PPP1R14C: variants seen among roughly 807,000 people sequenced by gnomAD.
PPP1R14C encodes protein phosphatase 1 regulatory inhibitor subunit 14C.
PPP1R14C carries 16 observed loss-of-function variants against 20.4 expected under a neutral mutation model. The ratio of observed to expected loss-of-function variants is 0.78; its 90% CI spans 0.53 to 1.19. The LOEUF (loss-of-function observed/expected upper bound fraction) is 1.19, where lower values mean the gene tolerates loss of function less well. PPP1R14C is among the 50% of genes most tolerant of loss of function. The pLI is 0.00. For synonymous variants in PPP1R14C, 91 were observed against 91.0 expected (o/e 1.00, Z 0.00); for missense variants, 211 against 220.1 (o/e 0.96, Z 0.26).
At chr6:150,154,611 T>C (rs1424563175) in intron 1 of PPP1R14C, among the ~76,000 whole-genome samples, 1 of 152,156 alleles carries the variant, frequency 6.6e-6, no homozygotes, top group Non-Finnish European at 1.5e-5. Flanking sequence ...GAAATAGAAG[T>C]GTCTTCCCCT....
intron 1 of PPP1R14C, chr6:150,196,085 C>G (rs1777800866): frequency 1.0e-6 from 1 of 985,282 alleles, no homozygotes; most frequent in Non-Finnish European, 1.2e-6. Flanking sequence ...GACCTCTCAC[C>G]CCTTTCTATA....
intron 3 of PPP1R14C, among the ~76,000 whole-genome samples, chr6:150,247,547 A>G (rs1450604110): frequency 6.6e-6 from 1 of 152,242 alleles, no homozygotes; most frequent in African/African-American, 2.4e-5. Context: ...ATTACTTTGT[A>G]AATGAAATTA....
Position 150,143,295 on chromosome 6 carries a change from G to C in PPP1R14C, c.103G>C (p.Gly35Arg). 1 of 1,560,730 alleles carries C rather than the reference G, an allele frequency of 6.4e-7. No individual in the cohort carries two copies. The highest frequency in any genetic ancestry group is 8.6e-7 in the Non-Finnish European group (1 of 1,158,974). ...SPRGGAGGSPGSSSGSGSSRE... is the reference protein window; with the variant it reads ...SPRGGAGGSPRSSSGSGSSRE... Reference sequence around the variant, plus strand: ...CCGGGGTGGCGCCGGTGGCAGCCCCGGCTCCAGCAGCGGCTCAGGCTCCTC... The same window carrying C: ...CCGGGGTGGCGCCGGTGGCAGCCCCCGCTCCAGCAGCGGCTCAGGCTCCTC... The change falls in exon 1 of 4, where the codon GGC becomes CGC. Residue 35 changes from glycine to arginine, a missense_variant. By Grantham distance (125) the Gly-to-Arg change is moderately radical (BLOSUM62 -2). Transcript: ENST00000361131. This position sits in a 1 kb window ranked among gnomAD's most constrained non-coding sequence, Gnocchi z 5.6.
intron 1 of PPP1R14C, among the ~76,000 whole-genome samples, chr6:150,171,150 G>A (rs556917548): frequency 6.6e-6 from 1 of 152,136 alleles, no homozygotes; most frequent in Non-Finnish European, 1.5e-5. Flanking sequence ...TCAAGGTGCT[G>A]TACATTCCAT....
intron 3 of PPP1R14C, among the ~76,000 whole-genome samples, chr6:150,230,518 C>A (rs145888515): frequency 1.3e-5 from 2 of 152,286 alleles, no homozygotes; most frequent in Non-Finnish European, 2.9e-5. Context: ...CCCGTCCCCC[C>A]ACCCTCTGCG....
intron 1 of PPP1R14C, among the ~76,000 whole-genome samples, chr6:150,171,403 CT>C (rs1777497744): frequency 6.6e-6 from 1 of 152,164 alleles, no homozygotes; most frequent in South Asian, 2.1e-4. Context: ...CAATCTAACT[CT>C]TTTATAAGGA....
chr6:150,151,088 T>C (rs984896296), intron 1 of PPP1R14C, among the ~76,000 whole-genome samples: 9 of 152,226 alleles, frequency 5.9e-5, no homozygotes, highest in Non-Finnish European at 1.3e-4. Context: ...TTTTGGATGA[T>C]AAGACCCTTC....
intron 3 of PPP1R14C, among the ~76,000 whole-genome samples, chr6:150,231,604 C>A (rs558849843): frequency 6.6e-6 from 1 of 152,192 alleles, no homozygotes; most frequent in Non-Finnish European, 1.5e-5. Context: ...AAACTTTGAG[C>A]AGCTCCTCTT....
chr6:150,159,690 A>G (rs1201029042), intron 1 of PPP1R14C, among the ~76,000 whole-genome samples: 1 of 152,134 alleles, frequency 6.6e-6, no homozygotes, highest in African/African-American at 2.4e-5. Context: ...TTGCGAAGAC[A>G]GAACACTATT....
rs1336621100 is a variant in PPP1R14C, at chr6:150,249,284, G to A, written c.*464G>A. 2 of 398,998 alleles carry A rather than the reference G, an allele frequency of 5.0e-6. No homozygotes were observed. The highest frequency in any genetic ancestry group is 2.1e-5 in the African/African-American group (1 of 48,610). 24.7% of individuals were successfully genotyped at this position (398,998 alleles called of 1,614,324 possible). On this transcript the variant is annotated 3_prime_UTR_variant, in exon 4 of 4. Transcript: ENST00000361131. ...CACACAACTAAGTTAAAATGTTGAT[G>A]TGAGTTTTATTTCACATGGATGGAA...
chr6:150,235,550 T>C (rs972966743), intron 3 of PPP1R14C, among the ~76,000 whole-genome samples: 2 of 152,218 alleles, frequency 1.3e-5, no homozygotes, highest in Admixed American at 6.5e-5. Context: ...ATAGGGGTCC[T>C]TAGCAGTGTC....
At chr6:150,188,532 G>C (rs1202995896) in intron 1 of PPP1R14C, among the ~76,000 whole-genome samples, 1 of 142,004 alleles carries the variant, frequency 7.0e-6, no homozygotes, top group Non-Finnish European at 1.5e-5. Context: ...TATTGCCCAG[G>C]CTGGAGTGCA....
At chr6:150,205,206 T>C (rs73007978) in intron 1 of PPP1R14C, among the ~76,000 whole-genome samples, 19,099 of 151,988 alleles carry the variant, frequency 0.13, 1,298 homozygotes, top group African/African-American at 0.15. Flanking sequence ...AGAAAAGACC[T>C]CCTCAGCCTA....
intron 1 of PPP1R14C, among the ~76,000 whole-genome samples, chr6:150,158,039 G>A (rs1238873909): frequency 9.2e-5 from 14 of 152,188 alleles, no homozygotes; most frequent in African/African-American, 3.4e-4. Context: ...GGATGAGCAG[G>A]CTGCCCACTA....
intron 1 of PPP1R14C, among the ~76,000 whole-genome samples, chr6:150,163,339 G>A (rs1443116448): frequency 1.1e-4 from 17 of 152,070 alleles, no homozygotes; most frequent in Non-Finnish European, 2.5e-4. Flanking sequence ...TGCAGTGAGC[G>A]GAGATCGCAC....
intron 1 of PPP1R14C, among the ~76,000 whole-genome samples, chr6:150,206,268 C>T (rs760713331): frequency 6.6e-6 from 1 of 152,206 alleles, no homozygotes; most frequent in Non-Finnish European, 1.5e-5. Context: ...ATTTATCAAT[C>T]TTTGCCACTG....
intron 3 of PPP1R14C, among the ~76,000 whole-genome samples, chr6:150,241,968 G>A (rs1419667517): frequency 1.3e-5 from 2 of 152,164 alleles, no homozygotes; most frequent in African/African-American, 2.4e-5. Flanking sequence ...TTGATATGTG[G>A]GGAAACCCCC....
Position 150,201,568 on chromosome 6 carries a change from C to G in PPP1R14C, c.307-13176C>G, listed in dbSNP as rs1415316720. 1.3e-5 allele frequency among the ~76,000 whole-genome samples: 2 copies of G among 152,116 alleles called. No individual in the cohort carries two copies. The highest frequency in any genetic ancestry group is 2.9e-5 in the Non-Finnish European group (2 of 68,026). ...GAGGCCGGGAGCCCAGCAGGGGAAGCCTTCCAGGCAGAGGTAAGACTGTTG... is the reference window on the plus strand; with the variant it reads ...GAGGCCGGGAGCCCAGCAGGGGAAGGCTTCCAGGCAGAGGTAAGACTGTTG... On this transcript the variant is annotated intron_variant, in intron 1 of 3. Coordinates refer to ENST00000361131, the MANE Select transcript of PPP1R14C (RefSeq NM_030949.3). This position sits in a 1 kb window ranked among gnomAD's most constrained non-coding sequence, Gnocchi z 4.2.
chr6:150,226,935 G>A lies in PPP1R14C; in HGVS notation c.423+10079G>A, dbSNP rs181602172. Among the ~76,000 whole-genome samples the A allele has an allele frequency of 2.1e-3, 327 of 152,230 alleles. 1 individual carries two copies. Among genetic ancestry groups the A allele is most frequent in the African/African-American group, 7.5e-3 (311 of 41,532 alleles). Reference sequence around the variant, plus strand: ...GTGATCTGGTTTGTGAGTAGAAATCGAGCAGTGTTTTCTAAAAGGCAGGCC... The same window carrying A: ...GTGATCTGGTTTGTGAGTAGAAATCAAGCAGTGTTTTCTAAAAGGCAGGCC... On this transcript the variant is annotated intron_variant, in intron 3 of 3. Coordinates refer to ENST00000361131, the MANE Select transcript of PPP1R14C (RefSeq NM_030949.3).
Sources: gnomAD v4.1 joint callset for allele counts (sites outside exome capture counted in the v4.1 genomes callset) on GRCh38, gnomAD v4.1.1 for gene constraint, Gnocchi (gnomAD v3.1) non-coding constraint, MANE v1.5 for transcripts, NCBI Gene and HGNC (gene_info 2026-07-23, HGNC 2026-07-21) for gene names.